TUSC3: variants seen among roughly 807,000 people sequenced by gnomAD.
TUSC3 encodes tumor suppressor candidate 3, also known as dolichyl-diphosphooligosaccharide--protein glycosyltransferase subunit TUSC3.
Under a neutral mutation model 44.8 loss-of-function variants are expected in TUSC3, and 45 were observed. The observed-to-expected ratio is 1.00, with a 90% CI of 0.79 to 1.29. The LOEUF (loss-of-function observed/expected upper bound fraction) is 1.29, where lower values mean the gene tolerates loss of function less well. Among genes scored for constraint, TUSC3 ranks in the 50% most tolerant of loss-of-function variants. TUSC3 has a pLI of 0.00. For synonymous variants in TUSC3, 212 were observed against 152.9 expected (o/e 1.39, Z -2.85); for missense variants, 519 against 437.9 (o/e 1.19, Z -1.65).
At chr8:15,743,699 T>G in intron 8 of TUSC3, 87 bp downstream of exon 8, 1 of 1,373,870 alleles carries the variant, frequency 7.3e-7, no homozygotes, top group Admixed American at 1.7e-5. Flanking sequence ...AAGCCCTTTG[T>G]AAACAAACTT....
intron 1 of TUSC3, among the ~76,000 whole-genome samples, chr8:15,441,398 C>G (rs1453924550): frequency 1.3e-5 from 2 of 151,778 alleles, no homozygotes; most frequent in East Asian, 1.9e-4. Flanking sequence ...GACAGCGAGA[C>G]TCTCTCAAAA....
intron 1 of TUSC3, among the ~76,000 whole-genome samples, chr8:15,569,471 G>T (rs1345173366): frequency 1.3e-4 from 20 of 152,088 alleles, no homozygotes; most frequent in Non-Finnish European, 1.5e-5. Flanking sequence ...ACTTGCCTTG[G>T]AATATATGTG....
chr8:15,806,894 G>A, the TUSC3 span: 7 of 1,261,180 alleles, frequency 5.6e-6, no homozygotes, highest in South Asian at 5.9e-5. Flanking sequence ...AAAGTAAGAC[G>A]CTTACATCTG....
intron 9 of TUSC3, 23 bp from the exon 10 acceptor site, chr8:15,757,768 T>G: frequency 6.8e-7 from 1 of 1,478,416 alleles, no homozygotes; most frequent in Non-Finnish European, 9.5e-7. Context: ...TATTGTTGTA[T>G]TTCATTGTGG....
intron 2 of TUSC3, among the ~76,000 whole-genome samples, chr8:15,485,553 C>A (rs572335393): frequency 6.7e-6 from 1 of 148,870 alleles, no homozygotes; most frequent in African/African-American, 2.5e-5. Flanking sequence ...CCTCATTGGG[C>A]CTACAAACAC....
In TUSC3 at chr8:15,474,609, T is replaced by A. The variant is rs528332379; in HGVS notation, n.92-8777T>A. On this transcript the variant is annotated intron_variant and non_coding_transcript_variant, in intron 1 of 5. Coordinates refer to the TUSC3 transcript ENST00000503191. ...ACATGCATCCTGGAATTTACATTAT[T>A]GAGAAAATTCAGTAAAGACAATGCA... Among the ~76,000 whole-genome samples, 17 of 152,338 alleles carry A rather than the reference T, an allele frequency of 1.1e-4. 1 individual carries two copies. In the South Asian group the frequency reaches 3.5e-3, roughly 32 times the overall value.
chr8:15,750,320 G>C (rs900464814), intron 9 of TUSC3, among the ~76,000 whole-genome samples: 4 of 151,876 alleles, frequency 2.6e-5, no homozygotes, highest in Non-Finnish European at 5.9e-5. Context: ...AGTAGGGAAG[G>C]GTAAAGGGCA....
chr8:15,542,044 C>T (rs1801709940), intron 1 of TUSC3, among the ~76,000 whole-genome samples: 1 of 151,428 alleles, frequency 6.6e-6, no homozygotes, highest in South Asian at 2.1e-4. Flanking sequence ...GGTGACACAG[C>T]CTCTGGAGGT....
chr8:15,448,499 C>T (rs979705594), intron 1 of TUSC3, among the ~76,000 whole-genome samples: 2 of 152,098 alleles, frequency 1.3e-5, no homozygotes, highest in African/African-American at 4.8e-5. Flanking sequence ...TCACAGATGT[C>T]CCTCCCAACT....
intron 10 of TUSC3, 149 bp downstream of exon 10, chr8:15,758,004 T>TA: frequency 7.6e-6 from 11 of 1,445,034 alleles, no homozygotes; most frequent in South Asian, 1.5e-5. Context: ...ATTCCAGTCT[T>TA]ACATTATTAT....
At chr8:15,820,787 A>G in the TUSC3 span, among the ~76,000 whole-genome samples, 31 of 152,264 alleles carry the variant, frequency 2.0e-4, no homozygotes, top group African/African-American at 6.7e-4. Context: ...TTGGAATTTT[A>G]TTTTGGAAAG....
intron 7 of TUSC3, among the ~76,000 whole-genome samples, chr8:15,735,550 T>C (rs1810891782): frequency 6.6e-6 from 1 of 152,232 alleles, no homozygotes; most frequent in Non-Finnish European, 1.5e-5. Context: ...CCCATTGTTT[T>C]TCTACTTAGT....
chr8:15,691,591 T>G (rs1156996576), intron 6 of TUSC3, among the ~76,000 whole-genome samples: 1 of 152,188 alleles, frequency 6.6e-6, no homozygotes, highest in Non-Finnish European at 1.5e-5. Context: ...TTGTTCCAGC[T>G]TTCAAGGGGA....
chr8:15,447,930 G>C (rs1355686086), intron 1 of TUSC3, among the ~76,000 whole-genome samples: 2 of 151,058 alleles, frequency 1.3e-5, no homozygotes, highest in Non-Finnish European at 2.9e-5. Context: ...CAACATGGTA[G>C]CTACATGTGG....
At chr8:15,618,511 C>A (rs1468646207) in intron 1 of TUSC3, among the ~76,000 whole-genome samples, 1 of 152,118 alleles carries the variant, frequency 6.6e-6, no homozygotes, top group Non-Finnish European at 1.5e-5. Flanking sequence ...CACTATCTTC[C>A]ACCTCCACAT....
intron 6 of TUSC3, among the ~76,000 whole-genome samples, chr8:15,677,882 C>T (rs575485374): frequency 5.3e-5 from 8 of 152,268 alleles, no homozygotes; most frequent in East Asian, 3.9e-4. Flanking sequence ...GGAGAGGCCT[C>T]GTCTGCATAA....
At chr8:15,504,621 ATTTTTTTTTTTT>A (rs869264757) in intron 2 of TUSC3, among the ~76,000 whole-genome samples, 1 of 20,316 alleles carries the variant, frequency 4.9e-5, no homozygotes, top group African/African-American at 2.0e-4. Flanking sequence ...ATATATATAT[ATTTTTTTTTTTT>A]TTTTTTTTTA....
intron 3 of TUSC3, 43 bp from the exon 4 acceptor site, chr8:15,659,464 T>G (rs1204162152): frequency 6.3e-7 from 1 of 1,598,930 alleles, no homozygotes; most frequent in African/African-American, 1.3e-5. Context: ...GGATTAATGA[T>G]AAGATGATCC....
the TUSC3 span, chr8:15,806,592 G>A: frequency 1.4e-6 from 2 of 1,467,902 alleles, no homozygotes; most frequent in Admixed American, 1.7e-5. Context: ...TCACATGCAA[G>A]GATAATGAAG....
Sources: gnomAD v4.1 joint callset for allele counts (sites outside exome capture counted in the v4.1 genomes callset) on GRCh38, gnomAD v4.1.1 for gene constraint, MANE v1.5 for transcripts, NCBI Gene and HGNC (gene_info 2026-07-23, HGNC 2026-07-21) for gene names.